RAD51B: variants seen among roughly 807,000 people sequenced by gnomAD.
RAD51B encodes the protein RAD51 paralog B.
A neutral mutation model predicts 42.2 loss-of-function variants in RAD51B; 38 were observed. The observed-to-expected ratio is 0.90, with a 90% confidence interval of 0.70 to 1.18. The LOEUF (loss-of-function observed/expected upper bound fraction) is 1.18. RAD51B is among the 50% of genes most tolerant of loss of function. The pLI is 0.00. For synonymous variants in RAD51B, 154 were observed against 145.2 expected, an observed-to-expected ratio of 1.06 and a Z score of -0.43; for missense variants, 373 against 400.7, an observed-to-expected ratio of 0.93 and a Z score of 0.59.
At chr14:68,598,099 G>C (rs1891076766), downstream of RAD51B, among the ~76,000 whole-genome samples, 1 of 152,108 alleles carries the variant, frequency 6.6e-6, no homozygotes, top group Admixed American at 6.5e-5. Flanking sequence ...AGCTTCCCAA[G>C]AAGAGAAAGC....
intron 7 of RAD51B, among the ~76,000 whole-genome samples, chr14:67,975,202 A>C (rs2074969788): frequency 6.6e-6 from 1 of 152,196 alleles, no homozygotes; most frequent in Admixed American, 6.5e-5. Flanking sequence ...ATGGTGCACA[A>C]ATGAATGCTG....
At chr14:68,112,758 G>A (rs1015544946) in intron 7 of RAD51B, among the ~76,000 whole-genome samples, 1 of 152,096 alleles carries the variant, frequency 6.6e-6, no homozygotes, top group Admixed American at 6.6e-5. Context: ...GTCATACAAA[G>A]CAATACCTGC....
At chr14:68,676,752 A>C (rs1327479415) in intron 11 of RAD51B, among the ~76,000 whole-genome samples, 1 of 152,268 alleles carries the variant, frequency 6.6e-6, no homozygotes, top group African/African-American at 2.4e-5. Flanking sequence ...GCTTTCAAGC[A>C]AAGAGCCCAG....
chr14:67,939,978 A>T (rs1326704780), intron 7 of RAD51B, among the ~76,000 whole-genome samples: 31 of 137,634 alleles, frequency 2.3e-4, no homozygotes, highest in East Asian at 4.1e-4. Context: ...TATATATATA[A>T]AAAAATAAAA....
chr14:68,083,086 G>C (rs1020423928), intron 7 of RAD51B, among the ~76,000 whole-genome samples: 1 of 152,130 alleles, frequency 6.6e-6, no homozygotes, highest in Admixed American at 6.5e-5. Context: ...CATATCCTAT[G>C]TTTCAATTAG....
downstream of RAD51B, among the ~76,000 whole-genome samples, chr14:68,597,871 G>T (rs1486316469): frequency 6.6e-6 from 1 of 150,770 alleles, no homozygotes; most frequent in African/African-American, 2.4e-5. Context: ...ATCCTTGCCA[G>T]GTCACAAGAA....
chr14:67,970,577 T>G (rs946822798), intron 7 of RAD51B, among the ~76,000 whole-genome samples: 5 of 152,062 alleles, frequency 3.3e-5, no homozygotes, highest in African/African-American at 1.2e-4. Flanking sequence ...TTGATAAACC[T>G]TGGAATAGAA....
chr14:67,974,756 C>G (rs919665632), intron 7 of RAD51B, among the ~76,000 whole-genome samples: 5 of 152,086 alleles, frequency 3.3e-5, no homozygotes, highest in South Asian at 4.2e-4. Flanking sequence ...CACTTTTTCC[C>G]TACTCATTCT....
At chr14:68,185,273 T>C (rs1296951793) in intron 7 of RAD51B, among the ~76,000 whole-genome samples, 1 of 152,160 alleles carries the variant, frequency 6.6e-6, no homozygotes, top group Non-Finnish European at 1.5e-5. Flanking sequence ...TAATAAAGTA[T>C]TGCCAACATG....
intron 7 of RAD51B, among the ~76,000 whole-genome samples, chr14:68,121,584 A>G (rs186533580): frequency 3.3e-4 from 50 of 152,304 alleles, no homozygotes; most frequent in Middle Eastern, 3.4e-3. Flanking sequence ...TATTAAGCCA[A>G]TGATCACCCT....
intron 7 of RAD51B, among the ~76,000 whole-genome samples, chr14:68,185,901 G>T (rs1251228071): frequency 6.6e-6 from 1 of 152,248 alleles, no homozygotes; most frequent in African/African-American, 2.4e-5. Context: ...TGGCCTGGGG[G>T]TACCCCTGCA....
At chr14:68,024,555 C>T (rs2075920948) in intron 7 of RAD51B, among the ~76,000 whole-genome samples, 1 of 152,046 alleles carries the variant, frequency 6.6e-6, no homozygotes, top group Non-Finnish European at 1.5e-5. Context: ...TCTTTCCCCT[C>T]CTTGGTTTGA....
intron 9 of RAD51B, among the ~76,000 whole-genome samples, chr14:68,420,669 A>G (rs990249588): frequency 6.6e-6 from 1 of 152,226 alleles, no homozygotes; most frequent in Non-Finnish European, 1.5e-5. Flanking sequence ...GATCATGTTC[A>G]TCATCATCTT....
chr14:67,901,766 A>G (rs1007301449), intron 7 of RAD51B, among the ~76,000 whole-genome samples: 3 of 152,254 alleles, frequency 2.0e-5, no homozygotes, highest in African/African-American at 7.2e-5. Context: ...TTTTGCAGCA[A>G]CATGGATCAA....
chr14:67,923,304 T>TC (rs766451549), intron 7 of RAD51B, among the ~76,000 whole-genome samples: 4 of 99,326 alleles, frequency 4.0e-5, no homozygotes, highest in African/African-American at 1.6e-4. Context: ...TTTTCTTTTT[T>TC]TTTTTTTTTT....
chr14:68,674,194 TACAC>T (rs763518775), intron 11 of RAD51B, among the ~76,000 whole-genome samples: 3 of 151,876 alleles, frequency 2.0e-5, no homozygotes, highest in Admixed American at 1.3e-4. Context: ...ATACATCACA[TACAC>T]ACATATACAT....
At chr14:67,864,841 C>A in intron 4 of RAD51B, 162 bp from the exon 5 acceptor site, 1 of 1,151,502 alleles carries the variant, frequency 8.7e-7, no homozygotes, top group Non-Finnish European at 1.2e-6. Context: ...TTAATTCATT[C>A]CATACAATGG....
chr14:68,161,070 G>C (rs2078629544), intron 7 of RAD51B, among the ~76,000 whole-genome samples: 1 of 152,142 alleles, frequency 6.6e-6, no homozygotes, highest in Non-Finnish European at 1.5e-5. Context: ...TGGGACTCAA[G>C]GGAAGGAAGC....
chr14:68,429,457 TG>T (rs1384394287), intron 9 of RAD51B, among the ~76,000 whole-genome samples: 1 of 152,226 alleles, frequency 6.6e-6, no homozygotes, highest in East Asian at 1.9e-4. Flanking sequence ...CTAACTGGTG[TG>T]AGATGGTATC....
Sources: gnomAD v4.1 joint callset for allele counts (sites outside exome capture counted in the v4.1 genomes callset) on GRCh38, gnomAD v4.1.1 for gene constraint, MANE v1.5 for transcripts, NCBI Gene and HGNC (gene_info 2026-07-23, HGNC 2026-07-21) for gene names.